Variants in ANK3 observed in about 807,000 individuals in gnomAD.
ANK3 encodes ankyrin-3.
A neutral mutation model predicts 370.9 loss-of-function variants in ANK3; 57 were observed. The ratio of observed to expected loss-of-function variants is 0.15; its 90% CI spans 0.12 to 0.19. The LOEUF is 0.19. Ranked by LOEUF, ANK3 falls within the 10% of genes least tolerant of loss-of-function variation. The probability of loss-of-function intolerance (pLI) is 1.00; values close to 1 mark genes in which losing one functional copy is unlikely to be tolerated. For synonymous variants in ANK3, 1,929 were observed against 1,946.3 expected (o/e 0.99, Z 0.23); for missense variants, 4,439 against 5,302.1 (o/e 0.84, Z 5.06).
At chr10:60,730,801 T>C (rs138891076) in intron 1 of ANK3, among the ~76,000 whole-genome samples, 29 of 152,342 alleles carry the variant, frequency 1.9e-4, no homozygotes, top group Non-Finnish European at 3.7e-4. Flanking sequence ...TTGATCTTTC[T>C]AGAAGTATAA....
intron 8 of ANK3, among the ~76,000 whole-genome samples, chr10:60,215,786 C>T (rs1305440394): frequency 1.3e-5 from 2 of 152,102 alleles, no homozygotes; most frequent in South Asian, 2.1e-4. Flanking sequence ...AGCATGATGC[C>T]TCCAGCTTTG....
chr10:60,029,702 A>C lies in ANK3; in HGVS notation c.*144T>G, dbSNP rs1033882918. 6.6e-6 allele frequency: 1 copy of C among 151,940 alleles called. No homozygotes were observed. Among genetic ancestry groups the C allele is most frequent in the Non-Finnish European group, 1.5e-5 (1 of 67,928 alleles). 9.4% of individuals were successfully genotyped at this position (151,940 alleles called of 1,614,324 possible). ...TGGTTTTCTTTTCTTTTCTTTTTGC[A>C]TAAAAAAAATCATGCCATTAATGTG... On this transcript the variant is annotated 3_prime_UTR_variant, in exon 44 of 44. Coordinates refer to ENST00000280772, the MANE Select transcript of ANK3 (RefSeq NM_020987.5).
chr10:60,550,434 T>C (rs1038292077), intron 2 of ANK3, among the ~76,000 whole-genome samples: 2 of 152,028 alleles, frequency 1.3e-5, no homozygotes, highest in Non-Finnish European at 2.9e-5. Context: ...AGGGAAAATA[T>C]ATATGCTTAG....
In ANK3 at chr10:60,072,518, T is replaced by C. The variant is rs1387523284; in HGVS notation, c.8363A>G (p.Lys2788Arg). Residue 2788 changes from lysine to arginine, a missense_variant, in exon 37 of 44, where the codon AAA (lysine) becomes AGA (arginine). Transcript: ENST00000280772. Reference protein sequence around the residue: ...VSVQKDFMVLKTKDEHAQSNE... With the variant: ...VSVQKDFMVLRTKDEHAQSNE... ...GCTTTGGGCATGCTCATCTTTGGTT[T>C]TTAATACCATAAAATCTTTTTGCAC... 20 of 1,613,650 alleles carry C rather than the reference T, an allele frequency of 1.2e-5. No homozygotes were observed. The highest frequency in any genetic ancestry group is 1.7e-5 in the Non-Finnish European group (20 of 1,179,954).
intron 1 of ANK3, among the ~76,000 whole-genome samples, chr10:60,650,502 AG>A (rs1231209543): frequency 1.3e-5 from 2 of 152,204 alleles, no homozygotes; most frequent in African/African-American, 4.8e-5. Flanking sequence ...AATAAACATA[AG>A]AAAAAATTTG....
intron 2 of ANK3, among the ~76,000 whole-genome samples, chr10:60,519,622 C>A (rs768526658): frequency 6.6e-5 from 10 of 152,066 alleles, no homozygotes; most frequent in Non-Finnish European, 1.3e-4. Flanking sequence ...AAGAACAAGC[C>A]TCAGCATTCA....
chr10:60,481,895 G>A (rs2075228211), intron 2 of ANK3, among the ~76,000 whole-genome samples: 2 of 152,122 alleles, frequency 1.3e-5, no homozygotes, highest in African/African-American at 4.8e-5. Context: ...AAAGGCCTAG[G>A]GTTTCCCCAG....
chr10:60,090,177 G>A (rs555542008), intron 28 of ANK3, among the ~76,000 whole-genome samples: 3 of 152,060 alleles, frequency 2.0e-5, no homozygotes, highest in Non-Finnish European at 4.4e-5. Flanking sequence ...ATTTAGCTGG[G>A]TGTGGTGGCA....
chr10:60,055,204 C>A (rs2131911095), intron 42 of ANK3, among the ~76,000 whole-genome samples: 1 of 152,246 alleles, frequency 6.6e-6, no homozygotes, highest in East Asian at 1.9e-4. Flanking sequence ...ACAGACCATA[C>A]AGAACAGAAC....
intron 2 of ANK3, among the ~76,000 whole-genome samples, chr10:60,499,127 C>G (rs745650269): frequency 5.3e-5 from 8 of 152,154 alleles, no homozygotes; most frequent in Non-Finnish European, 1.2e-4. Flanking sequence ...AAGACACATT[C>G]TCGCCCTCAG....
Position 60,581,377 on chromosome 10 carries a change from G to C in ANK3, c.96+33809C>G, listed in dbSNP as rs149671189. Among the ~76,000 whole-genome samples the C allele has an allele frequency of 1.5e-3, 217 of 145,644 alleles. 1 individual carries two copies. Among genetic ancestry groups the C allele is most frequent in the African/African-American group, 5.2e-3 (202 of 39,164 alleles). On this transcript the variant is annotated intron_variant, in intron 2 of 43. Coordinates refer to the ANK3 transcript ENST00000373827. ...CTTTACACACATCTGTTCAACATTT[G>C]TATGTCTGCTTTTGAAAACTGCCTA... is the stretch of plus-strand genomic sequence containing the variant.
At chr10:60,533,542 A>G (rs1481081114) in intron 2 of ANK3, among the ~76,000 whole-genome samples, 1 of 152,146 alleles carries the variant, frequency 6.6e-6, no homozygotes, top group Non-Finnish European at 1.5e-5. Context: ...TATCATGGGA[A>G]GTAGAGTTAT....
chr10:60,348,623 A>T (rs1311770409), intron 1 of ANK3, among the ~76,000 whole-genome samples: 1 of 152,216 alleles, frequency 6.6e-6, no homozygotes, highest in Non-Finnish European at 1.5e-5. Context: ...GATTCATTAT[A>T]GTGTCTGGCA....
chr10:60,487,632 G>A (rs902718118), intron 2 of ANK3, among the ~76,000 whole-genome samples: 4 of 151,882 alleles, frequency 2.6e-5, no homozygotes, highest in East Asian at 3.9e-4. Flanking sequence ...AAGTATACTT[G>A]GTAAATCCCA....
intron 2 of ANK3, among the ~76,000 whole-genome samples, chr10:60,599,068 A>C (rs2078026340): frequency 6.6e-6 from 1 of 152,116 alleles, no homozygotes; most frequent in Non-Finnish European, 1.5e-5. Flanking sequence ...AGCTGGGACT[A>C]CTGGCACACA....
At chr10:60,649,208 G>A (rs1420374958) in intron 1 of ANK3, among the ~76,000 whole-genome samples, 1 of 151,634 alleles carries the variant, frequency 6.6e-6, no homozygotes, top group Non-Finnish European at 1.5e-5. Context: ...GCTCTCCCAG[G>A]AACTCCACGG....
chr10:60,539,420 C>A (rs2076796153), intron 2 of ANK3, among the ~76,000 whole-genome samples: 1 of 151,732 alleles, frequency 6.6e-6, no homozygotes, highest in Non-Finnish European at 1.5e-5. Context: ...TGAGAGGAAC[C>A]CCAGCAAAGA....
chr10:60,510,798 C>A (rs867619744), intron 2 of ANK3, among the ~76,000 whole-genome samples: 1 of 151,408 alleles, frequency 6.6e-6, no homozygotes, highest in Non-Finnish European at 1.5e-5. Flanking sequence ...CCAGCCTGGG[C>A]GACAGAGAAA....
At chr10:60,592,819 G>A (rs1238234774) in intron 2 of ANK3, among the ~76,000 whole-genome samples, 1 of 152,140 alleles carries the variant, frequency 6.6e-6, no homozygotes, top group Non-Finnish European at 1.5e-5. Context: ...TAGAGTTCGA[G>A]AGTATTCCCC....
Sources: gnomAD v4.1 joint callset for allele counts (sites outside exome capture counted in the v4.1 genomes callset) on GRCh38, gnomAD v4.1.1 for gene constraint, MANE v1.5 for transcripts, NCBI Gene and HGNC (gene_info 2026-07-23, HGNC 2026-07-21) for gene names.